ANTXR1: variants seen among roughly 807,000 people sequenced by gnomAD.
The protein encoded by ANTXR1 is ANTXR cell adhesion molecule 1.
A neutral mutation model predicts 78.1 loss-of-function variants in ANTXR1; 19 were observed. That is an observed-to-expected ratio of 0.24 (90% CI 0.17 to 0.36). The LOEUF (loss-of-function observed/expected upper bound fraction) is 0.36, where lower values mean the gene tolerates loss of function less well. ANTXR1 is among the 10% of genes least tolerant of loss of function. The pLI, the probability that ANTXR1 is intolerant of heterozygous loss-of-function variation, is 1.00. For synonymous variants in ANTXR1, 273 were observed against 260.5 expected (o/e 1.05, Z -0.46); for missense variants, 518 against 718.6 (o/e 0.72, Z 3.19).
chr2:69,065,650 G>A (rs966666791), intron 3 of ANTXR1, among the ~76,000 whole-genome samples: 3 of 152,100 alleles, frequency 2.0e-5, no homozygotes, highest in Non-Finnish European at 2.9e-5. Context: ...TACACAAGAG[G>A]AGCTTTGGTT....
At chr2:69,170,352 CTGGG>C in intron 14 of ANTXR1, 63 bp downstream of exon 14, 1 of 1,586,814 alleles carries the variant, frequency 6.3e-7, no homozygotes, top group Non-Finnish European at 8.6e-7. Context: ...GGAGAGCTGG[CTGGG>C]CAGCTGGACA....
chr2:69,040,907 A>G lies in ANTXR1; in HGVS notation c.224+792A>G, dbSNP rs560619058. 3.6e-4 allele frequency among the ~76,000 whole-genome samples: 55 copies of G among 152,322 alleles called. 1 individual carries two copies. The highest frequency in any genetic ancestry group is 3.1e-3 in the South Asian group (15 of 4,818). ...AGTCTTCCGGTTGATAGGAGTGACC[A>G]TAAAGTTCTTCTTTGAGTAAGGTTC... On this transcript the variant is annotated intron_variant, in intron 2 of 17. Transcript: ENST00000303714.
At chr2:69,227,062 C>G (rs1675474691) in intron 17 of ANTXR1, among the ~76,000 whole-genome samples, 1 of 152,186 alleles carries the variant, frequency 6.6e-6, no homozygotes, top group Non-Finnish European at 1.5e-5. Flanking sequence ...TCTACATGGT[C>G]TTGCAATTAG....
chr2:69,070,607 A>C, intron 3 of ANTXR1, 40 bp from the exon 4 acceptor site: 1 of 1,597,352 alleles, frequency 6.3e-7, no homozygotes, highest in Non-Finnish European at 8.6e-7. Flanking sequence ...CAAAGTAAAA[A>C]ATACTCAAAT....
chr2:69,219,705 T>C (rs1675271152), intron 17 of ANTXR1, among the ~76,000 whole-genome samples: 1 of 152,228 alleles, frequency 6.6e-6, no homozygotes, highest in African/African-American at 2.4e-5. Context: ...ATTCTCTTGG[T>C]AATCATGATT....
At chr2:69,156,562 G>A (rs1457437733) in intron 13 of ANTXR1, among the ~76,000 whole-genome samples, 1 of 152,210 alleles carries the variant, frequency 6.6e-6, no homozygotes, top group Non-Finnish European at 1.5e-5. Context: ...AGTTCTGCAG[G>A]CTGTACAGGA....
intron 17 of ANTXR1, among the ~76,000 whole-genome samples, chr2:69,217,766 T>A (rs986827929): frequency 6.6e-6 from 1 of 151,360 alleles, no homozygotes; most frequent in East Asian, 2.0e-4. Context: ...AGGGGACTAT[T>A]CATAGGTACC....
At chr2:69,207,932 G>A (rs1191326813) in intron 17 of ANTXR1, among the ~76,000 whole-genome samples, 1 of 152,194 alleles carries the variant, frequency 6.6e-6, no homozygotes, top group Non-Finnish European at 1.5e-5. Flanking sequence ...TATGAACTCA[G>A]AATGGGAAGT....
intron 14 of ANTXR1, chr2:69,172,440 C>T: frequency 6.3e-7 from 1 of 1,594,592 alleles, no homozygotes; most frequent in South Asian, 1.1e-5. Context: ...ACAGCCCGTG[C>T]AACGTATTTT....
At chr2:69,129,717 C>T (rs1338564134) in intron 12 of ANTXR1, among the ~76,000 whole-genome samples, 1 of 151,466 alleles carries the variant, frequency 6.6e-6, no homozygotes, top group Non-Finnish European at 1.5e-5. Flanking sequence ...CACCACTGCA[C>T]TCCAGCCTGG....
At chr2:69,244,553 C>T (rs1237437432) in intron 17 of ANTXR1, among the ~76,000 whole-genome samples, 7 of 152,118 alleles carry the variant, frequency 4.6e-5, no homozygotes, top group East Asian at 3.9e-4. Flanking sequence ...CATTCATTAC[C>T]GGGAACAAGT....
intron 16 of ANTXR1, among the ~76,000 whole-genome samples, chr2:69,189,625 A>AGC (rs1276550423): frequency 6.6e-6 from 1 of 152,190 alleles, no homozygotes; most frequent in Non-Finnish European, 1.5e-5. Flanking sequence ...CCCAGGCAGG[A>AGC]GCTGTGGAGG....
chr2:69,105,494 C>T (rs577771686), intron 10 of ANTXR1, among the ~76,000 whole-genome samples: 2 of 152,344 alleles, frequency 1.3e-5, no homozygotes, highest in East Asian at 3.9e-4. Context: ...TAGTAATTCA[C>T]CTGTTCATTT....
At chr2:69,089,757 A>C (rs1671168730) in intron 8 of ANTXR1, among the ~76,000 whole-genome samples, 1 of 152,226 alleles carries the variant, frequency 6.6e-6, no homozygotes, top group Non-Finnish European at 1.5e-5. Context: ...CAGTTGTTTT[A>C]ACAAATGCCC....
rs758017161 is a variant in ANTXR1, at chr2:69,126,565, A to G, written c.951+1922A>G. Among the ~76,000 whole-genome samples the G allele has an allele frequency of 3.9e-5, 6 of 152,146 alleles. No individual in the cohort carries two copies. The East Asian group carries it at 7.7e-4, about 19-fold the overall frequency. ...TTCCTGCCAGCTTTTGAGTGATCCA[A>G]CAGTTGGATCTGTATTTCTCATTAT... On this transcript the variant is annotated intron_variant, in intron 12 of 17. Coordinates refer to ENST00000303714, the MANE Select transcript of ANTXR1 (RefSeq NM_032208.3).
intron 8 of ANTXR1, 41 bp downstream of exon 8, chr2:69,077,529 C>G: frequency 6.2e-7 from 1 of 1,600,264 alleles, no homozygotes; most frequent in Non-Finnish European, 8.6e-7. Context: ...ATTCAGGCAC[C>G]TTCCGTCTCT....
At position 69,013,457 on chromosome 2, in the gene ANTXR1, A is replaced by G; in HGVS notation, c.-43A>G. On this transcript the variant is annotated 5_prime_UTR_variant, in exon 1 of 18. Transcript: ENST00000303714. The surrounding 1 kb of genome is among the most constrained non-coding windows in gnomAD (Gnocchi z 5.0). ...CCTGAGGGTCGTGGCGAGTTCGCGG[A>G]GCGTGGGAAGGAGCGGACCCTGCTC... 6.3e-7 allele frequency: 1 copy of G among 1,578,134 alleles called. No individual in the cohort carries two copies. Among genetic ancestry groups the G allele is most frequent in the Non-Finnish European group, 8.6e-7 (1 of 1,164,288 alleles).
intron 8 of ANTXR1, among the ~76,000 whole-genome samples, chr2:69,079,252 G>C (rs776193062): frequency 6.6e-6 from 1 of 152,154 alleles, no homozygotes; most frequent in Admixed American, 6.5e-5. Context: ...TGGCATACTT[G>C]ACAGTGTAAG....
intron 17 of ANTXR1, among the ~76,000 whole-genome samples, chr2:69,206,370 A>G (rs1347177373): frequency 2.6e-5 from 4 of 152,258 alleles, no homozygotes; most frequent in Non-Finnish European, 5.9e-5. Flanking sequence ...AATGTCACAG[A>G]GTCTGGAAAA....
Sources: allele counts gnomAD v4.1 joint callset (sites outside exome capture counted in the v4.1 genomes callset), GRCh38; gene constraint gnomAD v4.1.1; non-coding constraint Gnocchi (gnomAD v3.1); transcripts MANE v1.5; gene names NCBI Gene and HGNC (gene_info 2026-07-23, HGNC 2026-07-21).